FSTL5: variants seen among roughly 807,000 people sequenced by gnomAD.
FSTL5 encodes the protein follistatin like 5.
Under a neutral mutation model 89.1 loss-of-function variants are expected in FSTL5, and 62 were observed. The ratio of observed to expected loss-of-function variants is 0.70; its 90% CI spans 0.57 to 0.86. The LOEUF (loss-of-function observed/expected upper bound fraction) is 0.86, where lower values mean the gene tolerates loss of function less well. Among genes scored for constraint, FSTL5 ranks in the 40% least tolerant of loss-of-function variants. The pLI is 0.00. For synonymous variants in FSTL5, 383 were observed against 346.2 expected (o/e 1.11, Z -1.18); for missense variants, 1,057 against 1,001.6 (o/e 1.06, Z -0.75).
At chr4:161,850,736 C>A (rs909865696) in intron 4 of FSTL5, among the ~76,000 whole-genome samples, 1 of 152,044 alleles carries the variant, frequency 6.6e-6, no homozygotes, top group East Asian at 1.9e-4. Context: ...AAAATATTTT[C>A]GTTTGGAACC....
chr4:161,592,592 A>T (rs1365873008), intron 7 of FSTL5, among the ~76,000 whole-genome samples: 1 of 152,144 alleles, frequency 6.6e-6, no homozygotes, highest in Non-Finnish European at 1.5e-5. Flanking sequence ...GTCGCTGCAA[A>T]GGACATGAAC....
At chr4:162,025,944 C>G (rs1334078554) in intron 3 of FSTL5, among the ~76,000 whole-genome samples, 3 of 151,408 alleles carry the variant, frequency 2.0e-5, no homozygotes, top group Non-Finnish European at 4.4e-5. Flanking sequence ...ATGCACTTAA[C>G]TAAATGCTAA....
intron 4 of FSTL5, among the ~76,000 whole-genome samples, chr4:161,840,814 G>T (rs1024774066): frequency 6.6e-6 from 1 of 152,148 alleles, no homozygotes; most frequent in Non-Finnish European, 1.5e-5. Flanking sequence ...TGAATGAAAT[G>T]ACTCTGAGAA....
intron 6 of FSTL5, among the ~76,000 whole-genome samples, chr4:161,752,467 T>C (rs1740430590): frequency 6.6e-6 from 1 of 152,198 alleles, no homozygotes; most frequent in South Asian, 2.1e-4. Context: ...TTTTTCAGTT[T>C]TCTTACATCC....
chr4:161,664,403 C>T (rs183495094), intron 6 of FSTL5, among the ~76,000 whole-genome samples: 1 of 152,292 alleles, frequency 6.6e-6, no homozygotes, highest in African/African-American at 2.4e-5. Flanking sequence ...AATCATCTCT[C>T]CCAAGTTCAA....
chr4:162,025,825 T>C (rs1228354776), intron 3 of FSTL5, among the ~76,000 whole-genome samples: 1 of 151,944 alleles, frequency 6.6e-6, no homozygotes, highest in African/African-American at 2.4e-5. Context: ...CTACTTAGTA[T>C]CATAGAAGTC....
chr4:161,854,128 A>G (rs966439205), intron 4 of FSTL5, among the ~76,000 whole-genome samples: 3 of 152,186 alleles, frequency 2.0e-5, no homozygotes, highest in Admixed American at 1.3e-4. Flanking sequence ...TTGGAGGAGT[A>G]TAGGACTGGC....
At chr4:161,906,502 G>T (rs1056335775) in intron 4 of FSTL5, among the ~76,000 whole-genome samples, 6 of 152,042 alleles carry the variant, frequency 3.9e-5, no homozygotes, top group Non-Finnish European at 8.8e-5. Flanking sequence ...AGTAGATTTG[G>T]CTATAAATGG....
At chr4:162,034,032 G>A (rs1365845201) in intron 2 of FSTL5, among the ~76,000 whole-genome samples, 1 of 151,842 alleles carries the variant, frequency 6.6e-6, no homozygotes, top group Non-Finnish European at 1.5e-5. Context: ...GAACTCCTGG[G>A]CTCAAGGAAT....
At chr4:161,822,902 C>G (rs931203975) in intron 4 of FSTL5, among the ~76,000 whole-genome samples, 1 of 152,142 alleles carries the variant, frequency 6.6e-6, no homozygotes, top group Admixed American at 6.5e-5. Context: ...GGCAGGTTGT[C>G]CTAATGAGTG....
intron 15 of FSTL5, among the ~76,000 whole-genome samples, chr4:161,402,377 G>C (rs1167850245): frequency 6.6e-6 from 1 of 152,058 alleles, no homozygotes; most frequent in Non-Finnish European, 1.5e-5. Context: ...CTACATAGCT[G>C]AGCTCTACTG....
rs528383517 is a variant in FSTL5, at chr4:161,879,060, A to G, written c.409+41344T>C. Among the ~76,000 whole-genome samples the G allele has an allele frequency of 3.9e-5, 6 of 152,184 alleles. No individual in the cohort carries two copies. In the East Asian group the frequency reaches 1.2e-3, roughly 30 times the overall value. Reference sequence around the variant, plus strand: ...TAATACTCACTCCCAAAAGCAAACTATGTCTTTCTTCCTCTCCTGAGTTTT... The same window carrying G: ...TAATACTCACTCCCAAAAGCAAACTGTGTCTTTCTTCCTCTCCTGAGTTTT... On this transcript the variant is annotated intron_variant, in intron 4 of 15. Coordinates refer to ENST00000306100, the MANE Select transcript of FSTL5 (RefSeq NM_020116.5).
intron 2 of FSTL5, 114 bp from the exon 3 acceptor site, chr4:162,033,772 A>C: frequency 1.7e-6 from 1 of 597,920 alleles, no homozygotes; most frequent in Non-Finnish European, 2.9e-6. Context: ...ATTCCCAGGA[A>C]CATGATTCTC....
chr4:161,946,063 G>T (rs933825207), intron 3 of FSTL5, among the ~76,000 whole-genome samples: 2 of 151,984 alleles, frequency 1.3e-5, no homozygotes, highest in East Asian at 3.9e-4. Flanking sequence ...AAATAAAAAA[G>T]AAGTTTGTCT....
At chr4:161,717,714 A>G (rs1279155516) in intron 6 of FSTL5, among the ~76,000 whole-genome samples, 1 of 152,222 alleles carries the variant, frequency 6.6e-6, no homozygotes, top group East Asian at 1.9e-4. Context: ...GAAGTTATAA[A>G]TGTGTTTTCA....
At chr4:162,062,270 A>C (rs1452333793) in intron 2 of FSTL5, among the ~76,000 whole-genome samples, 1 of 151,966 alleles carries the variant, frequency 6.6e-6, no homozygotes. Context: ...ATTTCTAAAT[A>C]GCAGTTGAAT....
intron 2 of FSTL5, chr4:162,042,022 T>C (rs1737981772): frequency 6.6e-6 from 1 of 151,820 alleles, no homozygotes; most frequent in Admixed American, 6.6e-5. Flanking sequence ...TGGTGGCGCA[T>C]CCCTGTAATC....
chr4:161,725,461 A>G (rs1257639443), intron 6 of FSTL5, among the ~76,000 whole-genome samples: 2 of 151,886 alleles, frequency 1.3e-5, no homozygotes, highest in African/African-American at 4.8e-5. Context: ...AATTTAAAAC[A>G]TTTACTATAT....
chr4:161,427,678 T>G (rs1732211328), intron 15 of FSTL5, among the ~76,000 whole-genome samples: 1 of 152,212 alleles, frequency 6.6e-6, no homozygotes, highest in Non-Finnish European at 1.5e-5. Flanking sequence ...TGGTGTCTGC[T>G]TCTTAATGGA....
Sources: allele counts gnomAD v4.1 joint callset (sites outside exome capture counted in the v4.1 genomes callset), GRCh38; gene constraint gnomAD v4.1.1; transcripts MANE v1.5; gene names NCBI Gene and HGNC (gene_info 2026-07-23, HGNC 2026-07-21).